Variants in ARHGAP35 observed in about 807,000 individuals in gnomAD.
ARHGAP35 encodes the protein rho GTPase-activating protein 35.
A neutral mutation model predicts 111.1 loss-of-function variants in ARHGAP35; 15 were observed. The observed-to-expected ratio is 0.13, with a 90% CI of 0.09 to 0.21. The LOEUF (loss-of-function observed/expected upper bound fraction) is 0.21. ARHGAP35 is among the 10% of genes least tolerant of loss of function. The pLI is 1.00. For missense variants in ARHGAP35, 1,262 were observed against 1,873.0 expected, an observed-to-expected ratio of 0.67 and a Z score of 6.02; for synonymous variants, 643 against 710.3, an observed-to-expected ratio of 0.91 and a Z score of 1.51.
At chr19:46,899,961 T>C (rs2056076307) in intron 1 of ARHGAP35, among the ~76,000 whole-genome samples, 1 of 152,178 alleles carries the variant, frequency 6.6e-6, no homozygotes, top group African/African-American at 2.4e-5. Flanking sequence ...TTAACTGATG[T>C]ACCTGTCAAT....
intron 1 of ARHGAP35, among the ~76,000 whole-genome samples, chr19:46,891,506 A>G (rs559274557): frequency 1.3e-5 from 2 of 150,876 alleles, no homozygotes; most frequent in African/African-American, 4.9e-5. Flanking sequence ...GGCTCACTGC[A>G]ACCTCCGCCT....
At chr19:46,865,011 C>T (rs112532364) in intron 1 of ARHGAP35, among the ~76,000 whole-genome samples, 1 of 152,186 alleles carries the variant, frequency 6.6e-6, no homozygotes. Context: ...GGAGAGAGGA[C>T]ACACAGAATA....
rs1239297646 is a variant in ARHGAP35 at position 46,921,317 on chromosome 19, T to C, written c.2642T>C (p.Ile881Thr). 8 of 1,613,904 alleles carry C rather than the reference T, an allele frequency of 5.0e-6. No individual in the cohort carries two copies. Among genetic ancestry groups the C allele is most frequent in the African/African-American group, 1.3e-5 (1 of 74,914 alleles). Residue 881 changes from isoleucine to threonine, a missense_variant, in exon 2 of 7, where the codon ATC (isoleucine) becomes ACC (threonine). Physicochemically the swap from Ile to Thr is moderately conservative, Grantham distance 89 (BLOSUM62 -1). Around this residue, in one of 8 missense-constraint regions of ARHGAP35, gnomAD observed 579 missense variants for 716.9 expected, o/e 0.81. Transcript: ENST00000672722. This position sits in a 1 kb window ranked among gnomAD's most constrained non-coding sequence, Gnocchi z 4.3. The stretch of plus-strand genomic sequence containing the variant: ...TTTCTTTGTGAAGTGCAGGATATTA[T>C]CCCTATTCAGCTTGTAGCACTCACT... ...RAFLCEVQDI[I>T]PIQLVALTDG...
In ARHGAP35 at chr19:46,866,672, C is replaced by T. The variant is rs568557275; in HGVS notation, c.-189+5463C>T. ...CTGCCAATCCCCAACTGCCTGTCAT[C>T]AAGTCCCGTAACCCAGAGTCTGTGT... On this transcript the variant is annotated intron_variant, in intron 1 of 6. Coordinates refer to ENST00000672722, the MANE Select transcript of ARHGAP35 (RefSeq NM_004491.5). 3.9e-5 allele frequency among the ~76,000 whole-genome samples: 6 copies of T among 152,286 alleles called. No homozygotes were observed. In the South Asian group the frequency reaches 1.2e-3, roughly 32 times the overall value.
intron 1 of ARHGAP35, among the ~76,000 whole-genome samples, chr19:46,916,499 A>C (rs2056164732): frequency 6.6e-6 from 1 of 152,146 alleles, no homozygotes; most frequent in South Asian, 2.1e-4. Flanking sequence ...AATATGCTGA[A>C]TCATCATTCA....
At chr19:46,892,008 C>T (rs557147014) in intron 1 of ARHGAP35, among the ~76,000 whole-genome samples, 5 of 149,580 alleles carry the variant, frequency 3.3e-5, no homozygotes, top group East Asian at 4.0e-4. Context: ...AGGTGTTGGC[C>T]GGGCACAGTG....
At chr19:46,882,469 T>C (rs2055967667) in intron 1 of ARHGAP35, among the ~76,000 whole-genome samples, 1 of 152,170 alleles carries the variant, frequency 6.6e-6, no homozygotes, top group Non-Finnish European at 1.5e-5. Flanking sequence ...ATAGGCTGTT[T>C]CACTTTATTT....
chr19:46,989,409 C>T lies in ARHGAP35; in HGVS notation c.3905-135C>T. ...TCGCGTTAGCGCTCACAAGTCCCAC[C>T]CCTCCAATCCTTGCCAGTCCTGAGG... On this transcript the variant is annotated intron_variant, in intron 4 of 6. Coordinates refer to ENST00000672722, the MANE Select transcript of ARHGAP35 (RefSeq NM_004491.5). The surrounding 1 kb of genome is among the most constrained non-coding windows in gnomAD (Gnocchi z 5.3). The T allele has an allele frequency of 2.6e-6, 3 of 1,169,934 alleles. No homozygotes were observed. Among genetic ancestry groups the T allele is most frequent in the Non-Finnish European group, 3.6e-6 (3 of 842,232 alleles). The allele number at this position is 1,169,934 out of a possible 1,614,324, so 72.5% of individuals were successfully genotyped here. A position where few individuals can be genotyped will look rare whatever the true frequency, so the allele number is the denominator to read the frequency against.
intron 1 of ARHGAP35, among the ~76,000 whole-genome samples, chr19:46,874,797 C>T (rs1169361525): frequency 6.6e-5 from 9 of 135,516 alleles, no homozygotes; most frequent in Non-Finnish European, 1.1e-4. Flanking sequence ...CCACTGCGCC[C>T]GGCAGTTTTG....
At chr19:46,907,947 G>C (rs2122177452) in intron 1 of ARHGAP35, among the ~76,000 whole-genome samples, 1 of 152,294 alleles carries the variant, frequency 6.6e-6, no homozygotes, top group East Asian at 1.9e-4. Flanking sequence ...AGAATAATTA[G>C]AAATAATGAG....
chr19:46,989,230 G>A lies in ARHGAP35; in HGVS notation c.3905-314G>A. On this transcript the variant is annotated intron_variant, in intron 4 of 6. Coordinates refer to ENST00000672722, the MANE Select transcript of ARHGAP35 (RefSeq NM_004491.5). The surrounding 1 kb of genome is among the most constrained non-coding windows in gnomAD (Gnocchi z 5.3). ...TCTGTGATGGGAAGGGAGTAAGGAAGAGGCAACAGCATATCAAAGCCAGAT... is the reference window on the plus strand; with the variant it reads ...TCTGTGATGGGAAGGGAGTAAGGAAAAGGCAACAGCATATCAAAGCCAGAT... 4.0e-6 allele frequency: 1 copy of A among 250,888 alleles called. No homozygotes were observed. The highest frequency in any genetic ancestry group is 8.1e-6 in the Non-Finnish European group (1 of 123,298). The allele number at this position is 250,888 out of a possible 1,614,324, so 15.5% of individuals were successfully genotyped here. A position where few individuals can be genotyped will look rare whatever the true frequency, so the allele number is the denominator to read the frequency against.
intron 5 of ARHGAP35, among the ~76,000 whole-genome samples, chr19:46,995,966 C>T (rs990362111): frequency 6.6e-6 from 1 of 152,212 alleles, no homozygotes; most frequent in Non-Finnish European, 1.5e-5. Context: ...TAGTGCTGCT[C>T]AGTACTCAGG....
chr19:46,979,782 G>A (rs1351782813), intron 3 of ARHGAP35, among the ~76,000 whole-genome samples: 1 of 152,172 alleles, frequency 6.6e-6, no homozygotes, highest in South Asian at 2.1e-4. Flanking sequence ...TAGAGTGTTA[G>A]TGGCCTTCTA....
At chr19:46,952,652 G>A (rs2056418997) in intron 3 of ARHGAP35, among the ~76,000 whole-genome samples, 1 of 152,174 alleles carries the variant, frequency 6.6e-6, no homozygotes, top group Admixed American at 6.5e-5. Context: ...AGGACTATGA[G>A]GATTGTTTTT....
Position 46,986,332 on chromosome 19 carries a change from C to T in ARHGAP35, c.3827-1657C>T, listed in dbSNP as rs2056649849. Among the ~76,000 whole-genome samples the T allele has an allele frequency of 6.6e-6, 1 of 152,204 alleles. No homozygotes were observed. The highest frequency in any genetic ancestry group is 2.4e-5 in the African/African-American group (1 of 41,438). On this transcript the variant is annotated intron_variant, in intron 3 of 6. Transcript: ENST00000672722. This position sits in a 1 kb window ranked among gnomAD's most constrained non-coding sequence, Gnocchi z 4.3. ...GATGGGGAGGGAGTGGGAGCCCATC[C>T]TTCCCTTGATATTTTATTCTAACTT...
Position 46,920,942 on chromosome 19 carries a change from A to G in ARHGAP35, c.2267A>G (p.Lys756Arg). ...GAAAAGCAAATCAGTCAAGTTTTGA[A>G]GGGACTCCTGGACTCTAAGCGTAAC... ...INEKQISQVL[K>R]GLLDSKRNLN... is the part of the protein sequence containing the mutation. The change falls in exon 2 of 7, where the codon AAG becomes AGG. Residue 756 changes from lysine to arginine, a missense_variant. Lys to Arg is a conservative substitution (Grantham distance 26, BLOSUM62 2). Transcript: ENST00000672722. This position sits in a 1 kb window ranked among gnomAD's most constrained non-coding sequence, Gnocchi z 7.0. 2 of 1,613,862 alleles carry G rather than the reference A, an allele frequency of 1.2e-6. No individual in the cohort carries two copies. The highest frequency in any genetic ancestry group is 1.7e-6 in the Non-Finnish European group (2 of 1,179,774).
rs2056743722 is a variant in ARHGAP35 at position 47,000,774 on chromosome 19, GAC to G, written c.*88_*89del. On this transcript the variant is annotated 3_prime_UTR_variant, in exon 7 of 7. Coordinates refer to ENST00000672722, the MANE Select transcript of ARHGAP35 (RefSeq NM_004491.5). The surrounding 1 kb of genome is among the most constrained non-coding windows in gnomAD (Gnocchi z 6.9). ...CTTGAACAAAACCAAGTCCACTGGGGACAGAGGCAGGGGCAAGTGGCTCTCCC... is the reference window on the plus strand; with the variant it reads ...CTTGAACAAAACCAAGTCCACTGGGGAGAGGCAGGGGCAAGTGGCTCTCCC... 3 of 1,537,938 alleles carry G rather than the reference GAC, an allele frequency of 2.0e-6. No individual in the cohort carries two copies. The East Asian group carries it at 7.4e-5, about 38-fold the overall frequency.
At chr19:46,893,712 G>A (rs141488179) in intron 1 of ARHGAP35, among the ~76,000 whole-genome samples, 1 of 152,022 alleles carries the variant, frequency 6.6e-6, no homozygotes, top group East Asian at 1.9e-4. Flanking sequence ...CAGGGTTTAG[G>A]TAGATTTGGG....
intron 1 of ARHGAP35, among the ~76,000 whole-genome samples, chr19:46,874,023 A>G (rs560189610): frequency 6.6e-6 from 1 of 152,348 alleles, no homozygotes; most frequent in South Asian, 2.1e-4. Context: ...CTGGGATTAC[A>G]GGCGTGAGCC....
Sources: allele counts gnomAD v4.1 joint callset (sites outside exome capture counted in the v4.1 genomes callset), GRCh38; gene constraint gnomAD v4.1.1; regional missense constraint gnomAD v4.1.1; non-coding constraint Gnocchi (gnomAD v3.1); transcripts MANE v1.5; gene names NCBI Gene and HGNC (gene_info 2026-07-23, HGNC 2026-07-21).